IL3RA: variants seen among roughly 807,000 people sequenced by gnomAD.
The protein encoded by IL3RA is interleukin-3 receptor subunit alpha.
Under a neutral mutation model 52.3 loss-of-function variants are expected in IL3RA, and 73 were observed. That is an observed-to-expected ratio of 1.40 (90% CI 1.16 to 1.70). The LOEUF (loss-of-function observed/expected upper bound fraction) is 1.70. IL3RA is among the 40% of genes most tolerant of loss of function. IL3RA has a pLI of 0.00. For missense variants in IL3RA, 664 were observed against 504.4 expected, an observed-to-expected ratio of 1.32 and a Z score of -3.03; for synonymous variants, 260 against 194.0, an observed-to-expected ratio of 1.34 and a Z score of -2.83.
chrX:1,353,945 CCCCCCCCCCAT>C (rs1167355083), intron 6 of IL3RA, among the ~76,000 whole-genome samples: 1 of 80,838 alleles, frequency 1.2e-5, no homozygotes, highest in Non-Finnish European at 2.4e-5. Context: ...GTCATGGGAC[CCCCCCCCCCAT>C]CATGGGTCGT....
chrX:1,348,681 T>TC lies in IL3RA; in HGVS notation c.298+137dup, dbSNP rs1491582238. ...TTCTTTCTTTCTTTCTTTCTTTCTT[T>TC]CTTTCTTTCTTTTTCTTTCTTTCTG... On this transcript the variant is annotated intron_variant, in intron 4 of 11. Transcript: ENST00000331035. 4.3e-6 allele frequency: 2 copies of TC among 463,316 alleles called. 1 individual carries two copies. The highest frequency in any genetic ancestry group is 7.5e-6 in the Non-Finnish European group (2 of 267,908). 28.7% of individuals were successfully genotyped at this position (463,316 alleles called of 1,614,324 possible).
At chrX:1,350,876 G>A (rs764174776) in intron 4 of IL3RA, among the ~76,000 whole-genome samples, 199 of 84,640 alleles carry the variant, frequency 2.4e-3, no homozygotes, top group African/African-American at 7.7e-3. Context: ...CAACAAGAGT[G>A]AAACTCTGTC....
intron 9 of IL3RA, among the ~76,000 whole-genome samples, chrX:1,368,462 T>G (rs1323712422): frequency 6.6e-6 from 1 of 152,078 alleles, no homozygotes; most frequent in Non-Finnish European, 1.5e-5. Context: ...GGCTTAAGCC[T>G]GTAACCTCAG....
intron 6 of IL3RA, among the ~76,000 whole-genome samples, chrX:1,355,388 GGAGA>G (rs1379786390): frequency 1.6e-5 from 2 of 128,146 alleles, no homozygotes; most frequent in Admixed American, 1.5e-4. Flanking sequence ...GGTAGAAAAA[GGAGA>G]GAGAGGAAGA....
chrX:1,378,761 G>T lies in IL3RA; in HGVS notation c.977G>T (p.Arg326Ile), dbSNP rs1429750207. ...CTGGTCTGTGTCTTCGTGATCTGCA[G>T]AAGGTGAGCCCTCGAGGGCGTCCGC... ...LALVCVFVIC[R>I]RYLVMQRLFP... The change falls in exon 10 of 12, where the codon AGA (arginine) becomes ATA (isoleucine). Residue 326 changes from arginine (R) to isoleucine (I), a missense_variant. Arg to Ile is a moderately conservative substitution (Grantham distance 97). Transcript: ENST00000331035. 2 of 1,612,068 alleles carry T rather than the reference G, an allele frequency of 1.2e-6. No individual in the cohort carries two copies. Among genetic ancestry groups the T allele is most frequent in the African/African-American group, 2.7e-5 (2 of 74,906 alleles).
intron 8 of IL3RA, among the ~76,000 whole-genome samples, chrX:1,362,993 C>G (rs2087581065): frequency 6.6e-6 from 1 of 152,052 alleles, no homozygotes; most frequent in Admixed American, 6.6e-5. Context: ...TCAGGTTGAC[C>G]TCGAACTCCT....
intron 1 of IL3RA, among the ~76,000 whole-genome samples, chrX:1,338,565 T>C (rs2085383831): frequency 6.6e-6 from 1 of 152,272 alleles, no homozygotes; most frequent in Non-Finnish European, 1.5e-5. Context: ...AACGAGGCTC[T>C]GCCACAGGTG....
chrX:1,356,376 G>A lies in IL3RA; in HGVS notation c.732+40G>A, dbSNP rs1431086147. 5 of 1,318,802 alleles carry A rather than the reference G, an allele frequency of 3.8e-6. No individual in the cohort carries two copies. The South Asian group carries it at 6.3e-5, about 17-fold the overall frequency. The allele number at this position is 1,318,802 out of a possible 1,614,324, so 81.7% of individuals were successfully genotyped here. On this transcript the variant is annotated intron_variant, in intron 7 of 11. Transcript: ENST00000331035. ...CGCCCCCAGCCCCCCCACCCCCGTGGACATCCCTTATTTTTGGTAAGTCGC... is the reference window on the plus strand; with the variant it reads ...CGCCCCCAGCCCCCCCACCCCCGTGAACATCCCTTATTTTTGGTAAGTCGC...
chrX:1,339,940 C>T (rs1255740291), intron 1 of IL3RA, among the ~76,000 whole-genome samples: 1 of 152,028 alleles, frequency 6.6e-6, no homozygotes, highest in East Asian at 1.9e-4. Context: ...ACGGTAACTG[C>T]AGCCACTTAG....
intron 3 of IL3RA, 116 bp from the exon 4 acceptor site, chrX:1,348,315 T>C (rs1195676519): frequency 3.8e-5 from 30 of 797,840 alleles, no homozygotes; most frequent in South Asian, 2.8e-4. Flanking sequence ...ATCACGCCAC[T>C]GCACTCCAGC....
At chrX:1,356,166 A>G (rs2086688132) in intron 6 of IL3RA, 55 bp from the exon 7 acceptor site, 1 of 1,139,750 alleles carries the variant, frequency 8.8e-7, no homozygotes, top group African/African-American at 1.6e-5. Context: ...GAGAAAAAGA[A>G]AAAGAATTGA....
chrX:1,340,216 A>G (rs1243488947), intron 1 of IL3RA, among the ~76,000 whole-genome samples: 3 of 151,288 alleles, frequency 2.0e-5, no homozygotes, highest in Non-Finnish European at 4.4e-5. Context: ...CCCGGGTTCA[A>G]CTGATTGTCC....
At chrX:1,337,039 G>C (rs1260578598) in intron 1 of IL3RA, 113 bp downstream of exon 1, 1 of 152,206 alleles carries the variant, frequency 6.6e-6, no homozygotes, top group Non-Finnish European at 1.5e-5. Context: ...GCATGTAACA[G>C]GTTTCTGCTG....
intron 4 of IL3RA, among the ~76,000 whole-genome samples, chrX:1,351,856 C>T (rs1488490318): frequency 6.6e-6 from 1 of 151,924 alleles, no homozygotes; most frequent in African/African-American, 2.4e-5. Context: ...TCTCGAACTC[C>T]GGACCTCGGG....
At chrX:1,340,059 C>T in intron 1 of IL3RA, among the ~76,000 whole-genome samples, 1 of 151,936 alleles carries the variant, frequency 6.6e-6, no homozygotes, top group South Asian at 2.1e-4. Flanking sequence ...TTTGTGGATA[C>T]AGCTCGAGCC....
chrX:1,382,419 T>C lies in IL3RA; in HGVS notation c.1091T>C (p.Leu364Pro), dbSNP rs2089226207. 1 of 1,613,788 alleles carries C rather than the reference T, an allele frequency of 6.2e-7. No individual in the cohort carries two copies. The highest frequency in any genetic ancestry group is 8.5e-7 in the Non-Finnish European group (1 of 1,179,750). Residue 364 changes from leucine (L) to proline (P), a missense_variant, in exon 12 of 12, where the codon CTG becomes CCG. By Grantham distance (98) the Leu-to-Pro change is moderately conservative. Coordinates refer to ENST00000331035, the MANE Select transcript of IL3RA (RefSeq NM_002183.4). The part of the protein sequence containing the change: ...LVVWEAGKAG[L>P]EECLVTEVQV... ...GTCTGGGAGGCGGGCAAAGCCGGCC[T>C]GGAGGAGTGTCTGGTGACTGAAGTA...
chrX:1,382,596 G>C lies in IL3RA; in HGVS notation c.*131G>C. The C allele has an allele frequency of 1.3e-6, 1 of 791,958 alleles. No homozygotes were observed. The highest frequency in any genetic ancestry group is 2.0e-5 in the Admixed American group (1 of 49,392). 49.1% of individuals were successfully genotyped at this position (791,958 alleles called of 1,614,324 possible). A position where few individuals can be genotyped will look rare whatever the true frequency, so the allele number is the denominator to read the frequency against. ...TTCCTAACGGGTGGTGGGCATGGGA[G>C]ATGCCTGTGTAATTTCGTCCGAAGC... On this transcript the variant is annotated 3_prime_UTR_variant, in exon 12 of 12. Transcript: ENST00000331035.
chrX:1,350,515 G>A (rs180966468), intron 4 of IL3RA, among the ~76,000 whole-genome samples: 3,061 of 150,758 alleles, frequency 0.02, 110 homozygotes, highest in African/African-American at 0.07. Context: ...CTTGAACCCG[G>A]GAGGCGGAGA....
intron 4 of IL3RA, among the ~76,000 whole-genome samples, chrX:1,350,673 G>A (rs1396780426): frequency 2.0e-5 from 3 of 150,710 alleles, no homozygotes; most frequent in Admixed American, 6.7e-5. Context: ...AGGCCGAGGT[G>A]GGTGGATCGC....
Sources: gnomAD v4.1 joint callset for allele counts (sites outside exome capture counted in the v4.1 genomes callset) on GRCh38, gnomAD v4.1.1 for gene constraint, MANE v1.5 for transcripts, NCBI Gene and HGNC (gene_info 2026-07-23, HGNC 2026-07-21) for gene names.